The following RBFOX3 variants were observed in gnomAD, a reference collection of about 807,000 sequenced individuals.
The protein encoded by RBFOX3 is RNA binding protein fox-1 homolog 3.
A neutral mutation model predicts 48.7 loss-of-function variants in RBFOX3; 17 were observed. The ratio of observed to expected loss-of-function variants is 0.35; its 90% CI spans 0.24 to 0.52. The LOEUF is 0.52. RBFOX3 is among the 20% of genes least tolerant of loss of function. RBFOX3 has a pLI of 0.94. For synonymous variants in RBFOX3, 212 were observed against 209.5 expected (o/e 1.01, Z -0.10); for missense variants, 382 against 497.5 (o/e 0.77, Z 2.21).
At chr17:79,329,217 A>G (rs62061499) in intron 2 of RBFOX3, among the ~76,000 whole-genome samples, 6,669 of 152,222 alleles carry the variant, frequency 0.044, 209 homozygotes, top group Admixed American at 0.076. Context: ...AGGGATCCCT[A>G]ACATTTCCAA....
intron 1 of RBFOX3, among the ~76,000 whole-genome samples, chr17:79,563,803 T>C (rs1247362999): frequency 1.3e-5 from 2 of 152,216 alleles, no homozygotes; most frequent in Admixed American, 6.5e-5. Flanking sequence ...GCTTGTGCAA[T>C]ACATGTTCTC....
chr17:79,187,221 G>A (rs535522693), intron 4 of RBFOX3, among the ~76,000 whole-genome samples: 193 of 152,332 alleles, frequency 1.3e-3, no homozygotes, highest in African/African-American at 4.5e-3. Flanking sequence ...AAGGTGGCAA[G>A]TGGCAAATCA....
At chr17:79,247,823 G>C (rs1189109825) in intron 3 of RBFOX3, among the ~76,000 whole-genome samples, 1 of 152,194 alleles carries the variant, frequency 6.6e-6, no homozygotes, top group African/African-American at 2.4e-5. Context: ...GGGATGGTTG[G>C]TAAACCTCCC....
intron 4 of RBFOX3, among the ~76,000 whole-genome samples, chr17:79,210,576 A>T (rs2058247305): frequency 6.6e-6 from 1 of 152,260 alleles, no homozygotes; most frequent in Non-Finnish European, 1.5e-5. Flanking sequence ...TGGCACGTCC[A>T]GCTTTTTTCA....
rs771260273 is a variant in RBFOX3 at position 79,481,648 on chromosome 17, G to A, written c.-175+806C>T. ...CAGTCACGTGGCTCGGGGAGCTTGCGGTTGGTGAACTTGTGGGTGAACCAG... is the reference window on the plus strand; with the variant it reads ...CAGTCACGTGGCTCGGGGAGCTTGCAGTTGGTGAACTTGTGGGTGAACCAG... On this transcript the variant is annotated intron_variant, in intron 2 of 14. Transcript: ENST00000693108. The surrounding 1 kb of genome is among the most constrained non-coding windows in gnomAD (Gnocchi z 5.4). 1.8e-3 allele frequency among the ~76,000 whole-genome samples: 267 copies of A among 152,224 alleles called. 1 individual carries two copies. Among genetic ancestry groups the A allele is most frequent in the Non-Finnish European group, 3.2e-3 (217 of 68,004 alleles).
chr17:79,616,903 A>G, the RBFOX3 span, among the ~76,000 whole-genome samples: 1 of 152,174 alleles, frequency 6.6e-6, no homozygotes, highest in Admixed American at 6.5e-5. Context: ...TGGAGGTCAG[A>G]GACGCCAACC....
chr17:79,266,723 G>C (rs1348183681), intron 3 of RBFOX3, among the ~76,000 whole-genome samples: 1 of 152,106 alleles, frequency 6.6e-6, no homozygotes, highest in Non-Finnish European at 1.5e-5. Context: ...GAGGGGGCTG[G>C]AGATGGAGTT....
intron 1 of RBFOX3, among the ~76,000 whole-genome samples, chr17:79,516,863 C>T (rs1568371033): frequency 6.6e-6 from 1 of 152,154 alleles, no homozygotes; most frequent in Non-Finnish European, 1.5e-5. Flanking sequence ...AAACGTGACG[C>T]CGAGACAAGC....
chr17:79,487,363 C>G (rs1204286591), intron 1 of RBFOX3, among the ~76,000 whole-genome samples: 1 of 152,158 alleles, frequency 6.6e-6, no homozygotes, highest in Non-Finnish European at 1.5e-5. Context: ...TGGTCAGAAG[C>G]GTGGACTTGT....
intron 1 of RBFOX3, among the ~76,000 whole-genome samples, chr17:79,591,287 A>T (rs1287874042): frequency 6.6e-6 from 1 of 152,134 alleles, no homozygotes; most frequent in Non-Finnish European, 1.5e-5. Flanking sequence ...TGCTGGAATG[A>T]GCCCACCTGC....
At chr17:79,595,066 T>G (rs1904053065) in intron 1 of RBFOX3, among the ~76,000 whole-genome samples, 1 of 151,824 alleles carries the variant, frequency 6.6e-6, no homozygotes. Context: ...AAGACGCTGA[T>G]CCCCTCCCTG....
chr17:79,309,745 G>T (rs185413703), intron 2 of RBFOX3, among the ~76,000 whole-genome samples: 294 of 152,258 alleles, frequency 1.9e-3, no homozygotes, highest in African/African-American at 6.3e-3. Context: ...TGCTGTTCTT[G>T]TGATGGTGAG....
intron 2 of RBFOX3, among the ~76,000 whole-genome samples, chr17:79,401,175 A>G (rs1432497612): frequency 2.0e-5 from 3 of 152,190 alleles, no homozygotes; most frequent in Non-Finnish European, 4.4e-5. Context: ...CAATTCCTAC[A>G]GGAACGATCA....
At chr17:79,185,510 T>A (rs1440489452) in intron 4 of RBFOX3, among the ~76,000 whole-genome samples, 2 of 151,970 alleles carry the variant, frequency 1.3e-5, no homozygotes, top group Non-Finnish European at 1.5e-5. Context: ...AGTCAGGTTG[T>A]TCTTGCTTGT....
intron 2 of RBFOX3, among the ~76,000 whole-genome samples, chr17:79,342,108 G>C (rs151089255): frequency 6.6e-6 from 1 of 152,202 alleles, no homozygotes; most frequent in African/African-American, 2.4e-5. Flanking sequence ...CCCTCACCTC[G>C]TGGTGCAGCT....
At chr17:79,368,201 A>C (rs1319181468) in intron 2 of RBFOX3, among the ~76,000 whole-genome samples, 3 of 152,046 alleles carry the variant, frequency 2.0e-5, no homozygotes, top group Non-Finnish European at 4.4e-5. Context: ...TCCCCTCTCC[A>C]CAGCCGTGCC....
chr17:79,659,205 C>T, the RBFOX3 span, among the ~76,000 whole-genome samples: 1 of 152,178 alleles, frequency 6.6e-6, no homozygotes, highest in Admixed American at 6.5e-5. Context: ...CTAACCCTGA[C>T]CTCACTGCAA....
At chr17:79,384,423 C>T (rs1568153748) in intron 2 of RBFOX3, among the ~76,000 whole-genome samples, 1 of 152,114 alleles carries the variant, frequency 6.6e-6, no homozygotes, top group Non-Finnish European at 1.5e-5. Context: ...CCTGGGAGTA[C>T]ATTTCCTGGC....
At chr17:79,529,842 C>G (rs1292719561) in intron 1 of RBFOX3, among the ~76,000 whole-genome samples, 2 of 152,212 alleles carry the variant, frequency 1.3e-5, no homozygotes, top group African/African-American at 2.4e-5. Context: ...CCAGCTCCCC[C>G]AGTTCCCCCA....
Sources: allele counts gnomAD v4.1 joint callset (sites outside exome capture counted in the v4.1 genomes callset), GRCh38; gene constraint gnomAD v4.1.1; non-coding constraint Gnocchi (gnomAD v3.1); transcripts MANE v1.5; gene names NCBI Gene and HGNC (gene_info 2026-07-23, HGNC 2026-07-21).